Variants in ZNF385D observed in about 807,000 individuals in gnomAD.
ZNF385D encodes zinc finger protein 659.
In ZNF385D, 15 loss-of-function variants were observed where a neutral mutation model predicts 35.8. The ratio of observed to expected loss-of-function variants is 0.42; its 90% CI spans 0.28 to 0.64. ZNF385D has a LOEUF of 0.64. Among genes scored for constraint, ZNF385D ranks in the 30% least tolerant of loss-of-function variants. ZNF385D has a pLI of 0.23. For synonymous variants in ZNF385D, 212 were observed against 186.8 expected (o/e 1.13, Z -1.10); for missense variants, 474 against 494.6 (o/e 0.96, Z 0.39).
chr3:22,077,377 T>C (rs576634419), intron 3 of ZNF385D, among the ~76,000 whole-genome samples: 8 of 152,018 alleles, frequency 5.3e-5, no homozygotes, highest in African/African-American at 4.8e-5. Flanking sequence ...AAAATAAGCC[T>C]AGACACAAAA....
At chr3:22,084,397 A>G (rs1489504613) in intron 3 of ZNF385D, among the ~76,000 whole-genome samples, 7 of 152,212 alleles carry the variant, frequency 4.6e-5, no homozygotes, top group Non-Finnish European at 8.8e-5. Context: ...TACCAAGCAA[A>G]TGGAAAACAA....
intron 3 of ZNF385D, among the ~76,000 whole-genome samples, chr3:21,832,204 A>G (rs1156744864): frequency 3.9e-5 from 6 of 152,016 alleles, no homozygotes; most frequent in African/African-American, 1.4e-4. Flanking sequence ...GTTTTTCTTC[A>G]CATCTACTTT....
chr3:21,721,203 C>T (rs947352771), intron 1 of ZNF385D, among the ~76,000 whole-genome samples: 2 of 152,134 alleles, frequency 1.3e-5, no homozygotes, highest in Admixed American at 6.5e-5. Flanking sequence ...AAGGTCTCAG[C>T]CAGCGTCAGT....
intron 2 of ZNF385D, among the ~76,000 whole-genome samples, chr3:21,631,142 T>G (rs1356580538): frequency 6.6e-6 from 1 of 152,116 alleles, no homozygotes; most frequent in Non-Finnish European, 1.5e-5. Context: ...CATACTCACA[T>G]GAAAACACTG....
intron 3 of ZNF385D, among the ~76,000 whole-genome samples, chr3:21,985,639 G>T (rs1241964910): frequency 2.1e-5 from 3 of 143,760 alleles, no homozygotes; most frequent in Non-Finnish European, 4.5e-5. Flanking sequence ...TTTTTTGGTT[G>T]TGTCTCTGCC....
chr3:21,491,191 T>C (rs906265187), intron 4 of ZNF385D, among the ~76,000 whole-genome samples: 9 of 110,772 alleles, frequency 8.1e-5, no homozygotes, highest in Admixed American at 2.1e-4. Context: ...GTGGTGATGG[T>C]GGTAGTGGGA....
chr3:21,424,861 T>A (rs1700942095), intron 6 of ZNF385D, among the ~76,000 whole-genome samples: 1 of 152,056 alleles, frequency 6.6e-6, no homozygotes, highest in Non-Finnish European at 1.5e-5. Flanking sequence ...ATAAATAAGG[T>A]GCATAAAATC....
intron 3 of ZNF385D, among the ~76,000 whole-genome samples, chr3:21,768,372 T>C (rs957680325): frequency 6.6e-6 from 1 of 151,990 alleles, no homozygotes; most frequent in African/African-American, 2.4e-5. Flanking sequence ...TCCTGGGAAG[T>C]AGCAGAGTAG....
At chr3:21,453,835 T>C (rs1482063655) in intron 4 of ZNF385D, among the ~76,000 whole-genome samples, 1 of 152,076 alleles carries the variant, frequency 6.6e-6, no homozygotes, top group Non-Finnish European at 1.5e-5. Flanking sequence ...AGTTACTATA[T>C]GACCCAGAGA....
intron 3 of ZNF385D, among the ~76,000 whole-genome samples, chr3:22,159,722 A>G (rs2125737260): frequency 6.6e-6 from 1 of 152,228 alleles, no homozygotes; most frequent in African/African-American, 2.4e-5. Context: ...TTTCTTCTAC[A>G]TTTTTATCCT....
At chr3:22,192,645 C>G (rs1019560797) in intron 2 of ZNF385D, among the ~76,000 whole-genome samples, 2 of 152,164 alleles carry the variant, frequency 1.3e-5, no homozygotes, top group Non-Finnish European at 2.9e-5. Flanking sequence ...TTATTGATGT[C>G]ATGGCCAACA....
intron 3 of ZNF385D, among the ~76,000 whole-genome samples, chr3:22,018,847 G>A (rs958208039): frequency 6.6e-6 from 1 of 151,838 alleles, no homozygotes; most frequent in Admixed American, 6.6e-5. Context: ...GAAATGGGTG[G>A]AGTTTAATTG....
At chr3:22,141,629 G>A (rs935220374) in intron 3 of ZNF385D, among the ~76,000 whole-genome samples, 2 of 152,054 alleles carry the variant, frequency 1.3e-5, no homozygotes, top group Admixed American at 1.3e-4. Flanking sequence ...CCTTGTGGTG[G>A]CAAGAATTAG....
rs2070061248 is a variant in ZNF385D at position 21,751,157 on chromosome 3, C to T, written c.-241G>A. 6.3e-6 allele frequency: 9 copies of T among 1,426,188 alleles called. No homozygotes were observed. The highest frequency in any genetic ancestry group is 2.6e-5 in the East Asian group (1 of 38,380). 88.3% of individuals were successfully genotyped at this position (1,426,188 alleles called of 1,614,324 possible). ...CTGCCTGCTGCACTGCCCATCCTTA[C>T]TGTAATCCGACTCCTCCTTGCGATG... On this transcript the variant is annotated 5_prime_UTR_variant, in exon 1 of 8. Coordinates refer to ENST00000281523, the MANE Select transcript of ZNF385D (RefSeq NM_024697.3).
intron 2 of ZNF385D, among the ~76,000 whole-genome samples, chr3:22,187,013 C>T (rs1024038076): frequency 1.3e-5 from 2 of 152,084 alleles, no homozygotes; most frequent in East Asian, 1.9e-4. Context: ...GCCAGCAAGT[C>T]GCAGAGCTGG....
At chr3:21,709,494 A>ACAAAG (rs1367477033) in intron 1 of ZNF385D, among the ~76,000 whole-genome samples, 1 of 151,514 alleles carries the variant, frequency 6.6e-6, no homozygotes, top group African/African-American at 2.4e-5. Context: ...TGAAAACAAA[A>ACAAAG]CAAAACAAAA....
intron 3 of ZNF385D, among the ~76,000 whole-genome samples, chr3:21,766,979 G>A (rs534769632): frequency 2.0e-5 from 3 of 152,126 alleles, no homozygotes; most frequent in African/African-American, 7.2e-5. Flanking sequence ...GCCATATTTA[G>A]TGTAGCTATA....
At chr3:21,455,452 C>T (rs1702740927) in intron 4 of ZNF385D, among the ~76,000 whole-genome samples, 1 of 152,178 alleles carries the variant, frequency 6.6e-6, no homozygotes, top group South Asian at 2.1e-4. Context: ...ACCATCTGAT[C>T]TTTGACAAAC....
intron 3 of ZNF385D, among the ~76,000 whole-genome samples, chr3:21,552,636 T>C (rs1481123823): frequency 2.0e-5 from 3 of 152,184 alleles, no homozygotes; most frequent in Non-Finnish European, 4.4e-5. Context: ...ATAAGGGCAA[T>C]TTATTCATAT....
Sources: allele counts gnomAD v4.1 joint callset (sites outside exome capture counted in the v4.1 genomes callset), GRCh38; gene constraint gnomAD v4.1.1; transcripts MANE v1.5; gene names NCBI Gene and HGNC (gene_info 2026-07-23, HGNC 2026-07-21).